Variants in PDE7B observed in about 807,000 individuals in gnomAD.
PDE7B encodes phosphodiesterase 7B.
Under a neutral mutation model 56.2 loss-of-function variants are expected in PDE7B, and 29 were observed. The observed-to-expected ratio is 0.52, with a 90% CI of 0.38 to 0.70. The LOEUF (loss-of-function observed/expected upper bound fraction) is 0.70. PDE7B is among the 30% of genes least tolerant of loss of function. The probability of loss-of-function intolerance (pLI) is 0.00; values close to 1 mark genes in which losing one functional copy is unlikely to be tolerated. For synonymous variants in PDE7B, 197 were observed against 196.9 expected (o/e 1.00, Z 0.00); for missense variants, 490 against 565.0 (o/e 0.87, Z 1.35).
At chr6:135,906,220 G>A (rs560967372) in intron 1 of PDE7B, among the ~76,000 whole-genome samples, 2 of 152,256 alleles carry the variant, frequency 1.3e-5, no homozygotes, top group South Asian at 4.1e-4. Context: ...TGAAAAAGAA[G>A]CATTTTAGAG....
chr6:136,191,956 C>A lies in PDE7B; in HGVS notation c.*116C>A. The A allele has an allele frequency of 1.3e-6, 1 of 741,692 alleles. No homozygotes were observed. 45.9% of individuals were successfully genotyped at this position (741,692 alleles called of 1,614,324 possible). A position where few individuals can be genotyped will look rare whatever the true frequency, so the allele number is the denominator to read the frequency against. ...ACTTTCTGAGTGTTGTCCTGGGGCT[C>A]TTTGGAACGCCATCTTCCTCCCACT... On this transcript the variant is annotated 3_prime_UTR_variant, in exon 13 of 13. Transcript: ENST00000308191.
At chr6:136,170,033 GGTTTTAGAATCAAGAATA>G (rs1016167459) in intron 8 of PDE7B, among the ~76,000 whole-genome samples, 10 of 152,194 alleles carry the variant, frequency 6.6e-5, no homozygotes, top group East Asian at 1.9e-4. Context: ...ATGAGTGTGT[GGTTTTAGAATCAAGAATA>G]GTTTTAGAAT....
At chr6:135,937,939 G>A (rs149870668) in intron 1 of PDE7B, among the ~76,000 whole-genome samples, 360 of 152,192 alleles carry the variant, frequency 2.4e-3, no homozygotes, top group South Asian at 7.5e-3. Flanking sequence ...TCTTCCTTCC[G>A]CAAAACCAGA....
At chr6:135,924,617 C>CTCT (rs757490280) in intron 1 of PDE7B, among the ~76,000 whole-genome samples, 105 of 49,592 alleles carry the variant, frequency 2.1e-3, no homozygotes, top group Middle Eastern at 0.012. Flanking sequence ...CTCTCTCTCT[C>CTCT]TTTTTTTTTT....
intron 2 of PDE7B, among the ~76,000 whole-genome samples, chr6:136,008,524 T>A (rs1775828994): frequency 6.6e-6 from 1 of 152,238 alleles, no homozygotes; most frequent in African/African-American, 2.4e-5. Context: ...ATGATTGCCA[T>A]TCTAACTAGT....
At chr6:135,949,212 A>G (rs1774651601) in intron 2 of PDE7B, among the ~76,000 whole-genome samples, 1 of 152,064 alleles carries the variant, frequency 6.6e-6, no homozygotes, top group African/African-American at 2.4e-5. Flanking sequence ...TGTTTAACTC[A>G]TGATAATTTT....
chr6:135,937,723 T>G (rs1774446418), intron 1 of PDE7B, among the ~76,000 whole-genome samples: 1 of 152,128 alleles, frequency 6.6e-6, no homozygotes, highest in Non-Finnish European at 1.5e-5. Flanking sequence ...TAAGGGCACA[T>G]CAGACAGAGT....
intron 2 of PDE7B, among the ~76,000 whole-genome samples, chr6:135,980,240 G>A (rs1486630773): frequency 1.3e-5 from 2 of 152,244 alleles, no homozygotes; most frequent in Non-Finnish European, 2.9e-5. Context: ...CTAGCCATAT[G>A]TAGGAAGCTG....
intron 2 of PDE7B, among the ~76,000 whole-genome samples, chr6:136,045,232 T>C (rs2128210382): frequency 6.6e-6 from 1 of 152,270 alleles, no homozygotes; most frequent in Non-Finnish European, 1.5e-5. Flanking sequence ...GTAGTCTTGA[T>C]ATACACACAG....
At chr6:135,966,607 G>A (rs1775001583) in intron 2 of PDE7B, among the ~76,000 whole-genome samples, 2 of 152,190 alleles carry the variant, frequency 1.3e-5, no homozygotes, top group South Asian at 2.1e-4. Context: ...TGAGAGATTG[G>A]TTCATCACAG....
intron 1 of PDE7B, among the ~76,000 whole-genome samples, chr6:135,872,986 G>A (rs1298138853): frequency 1.3e-5 from 2 of 152,018 alleles, no homozygotes; most frequent in African/African-American, 2.4e-5. Context: ...AAACTATCTT[G>A]AACTTAGGGA....
At chr6:135,896,136 A>G (rs541143881) in intron 1 of PDE7B, among the ~76,000 whole-genome samples, 1 of 152,294 alleles carries the variant, frequency 6.6e-6, no homozygotes, top group Non-Finnish European at 1.5e-5. Flanking sequence ...AGCCTAGAAC[A>G]TGCCAAACAA....
intron 2 of PDE7B, among the ~76,000 whole-genome samples, chr6:135,964,879 T>A (rs1215008827): frequency 1.3e-5 from 2 of 152,226 alleles, no homozygotes; most frequent in Non-Finnish European, 2.9e-5. Context: ...CAGTGGCTCA[T>A]GCCTGTAATC....
intron 3 of PDE7B, among the ~76,000 whole-genome samples, chr6:136,143,296 G>A (rs1163892163): frequency 6.6e-6 from 1 of 151,808 alleles, no homozygotes; most frequent in Non-Finnish European, 1.5e-5. Flanking sequence ...CTAGGCAGGA[G>A]GATCACTTAA....
At chr6:136,130,975 G>A (rs956046719) in intron 3 of PDE7B, among the ~76,000 whole-genome samples, 1 of 152,090 alleles carries the variant, frequency 6.6e-6, no homozygotes, top group African/African-American at 2.4e-5. Flanking sequence ...CTCCCACCGG[G>A]TCCCTCCCAC....
intron 2 of PDE7B, among the ~76,000 whole-genome samples, chr6:135,981,697 C>G (rs1165472833): frequency 1.3e-5 from 2 of 151,418 alleles, no homozygotes; most frequent in African/African-American, 4.8e-5. Flanking sequence ...GCTGCCATCT[C>G]CTACTATAAC....
intron 1 of PDE7B, among the ~76,000 whole-genome samples, chr6:135,877,848 G>C (rs1048277323): frequency 2.0e-5 from 3 of 152,126 alleles, no homozygotes; most frequent in African/African-American, 7.2e-5. Context: ...TGGGAAACGG[G>C]AAAGAGTGTA....
chr6:135,875,346 T>C lies in PDE7B; in HGVS notation c.21+23327T>C, dbSNP rs181834220. Among the ~76,000 whole-genome samples the C allele has an allele frequency of 2.0e-3, 311 of 152,204 alleles. 1 individual carries two copies. Among genetic ancestry groups the C allele is most frequent in the African/African-American group, 7.1e-3 (294 of 41,568 alleles). ...TATTTTCTCTTATTGGTTTAGAGAT[T>C]AGACATTTCATTTTTTGTGGTTTCA... On this transcript the variant is annotated intron_variant, in intron 1 of 12. Coordinates refer to ENST00000308191, the MANE Select transcript of PDE7B (RefSeq NM_018945.4).
At chr6:136,032,593 C>A (rs182644137) in intron 2 of PDE7B, among the ~76,000 whole-genome samples, 1 of 152,134 alleles carries the variant, frequency 6.6e-6, no homozygotes, top group Non-Finnish European at 1.5e-5. Context: ...AACAGCCCTG[C>A]CTTTGATTTC....
Sources: allele counts gnomAD v4.1 joint callset (sites outside exome capture counted in the v4.1 genomes callset), GRCh38; gene constraint gnomAD v4.1.1; transcripts MANE v1.5; gene names NCBI Gene and HGNC (gene_info 2026-07-23, HGNC 2026-07-21).